The following SFI1 variants were observed in gnomAD, a reference collection of about 807,000 sequenced individuals.
The protein encoded by SFI1 is SFI1 centrin binding protein, also known as protein SFI1 homolog.
SFI1 carries 195 observed loss-of-function variants against 207.5 expected under a neutral mutation model. That is an observed-to-expected ratio of 0.94 (90% CI 0.84 to 1.06). SFI1 has a LOEUF of 1.06. Ranked by LOEUF, SFI1 falls within the 50% of genes least tolerant of loss-of-function variation. The pLI is 0.00. For missense variants in SFI1, 1,634 were observed against 1,588.0 expected (o/e 1.03, Z -0.49); for synonymous variants, 630 against 598.9 (o/e 1.05, Z -0.76).
At chr22:31,598,716 C>CGTTTTTTTTTTT (rs2067572351) in intron 15 of SFI1, among the ~76,000 whole-genome samples, 1 of 26,882 alleles carries the variant, frequency 3.7e-5, no homozygotes, top group Admixed American at 7.8e-4. Flanking sequence ...TGCGCCTGGC[C>CGTTTTTTTTTTT]TTTTTTTTTT....
intron 14 of SFI1, 41 bp from the exon 15 acceptor site, chr22:31,589,406 A>T (rs754916554): frequency 2.5e-5 from 38 of 1,492,014 alleles, no homozygotes; most frequent in African/African-American, 4.3e-5. Flanking sequence ...GTTTAAAAAA[A>T]AAAAAGTTAA....
At chr22:31,527,460 T>G (rs1306740691) in intron 2 of SFI1, among the ~76,000 whole-genome samples, 4 of 152,210 alleles carry the variant, frequency 2.6e-5, no homozygotes, top group Admixed American at 6.5e-5. Flanking sequence ...AGAGACTGAT[T>G]GTGGTAGCTC....
Position 31,604,301 on chromosome 22 carries a change from G to C in SFI1, c.1882-8G>C. On this transcript the variant is annotated splice_region_variant and splice_polypyrimidine_tract_variant and intron_variant, in intron 18 of 32. Coordinates refer to ENST00000400288, the MANE Select transcript of SFI1 (RefSeq NM_001007467.3). ...GCCCACGGTAGCTGCTTTCTCCTCTGTCTGCAGTGCCTGGCCCTGCGGGGA... is the reference window on the plus strand; with the variant it reads ...GCCCACGGTAGCTGCTTTCTCCTCTCTCTGCAGTGCCTGGCCCTGCGGGGA... 5 of 1,565,974 alleles carry C rather than the reference G, an allele frequency of 3.2e-6. No individual in the cohort carries two copies. Among genetic ancestry groups the C allele is most frequent in the South Asian group, 2.3e-5 (2 of 85,370 alleles).
At chr22:31,556,208 G>A (rs954432434) in intron 6 of SFI1, among the ~76,000 whole-genome samples, 1 of 150,846 alleles carries the variant, frequency 6.6e-6, no homozygotes, top group Admixed American at 6.6e-5. Context: ...CTATACAATT[G>A]AAATTTTTTT....
Position 31,512,624 on chromosome 22 carries a change from TCTC to T in SFI1, c.92+4251_92+4253del, listed in dbSNP as rs569956102. Among the ~76,000 whole-genome samples, 8 of 151,678 alleles carry T rather than the reference TCTC, an allele frequency of 5.3e-5. No individual in the cohort carries two copies. The East Asian group carries it at 1.6e-3, about 30-fold the overall frequency. On this transcript the variant is annotated intron_variant, in intron 2 of 32. Transcript: ENST00000400288. ...CCTCCACCTCAGGGGTTCAAACAAT[TCTC>T]CTGCCTCAGCCTCCCAAGTAGCTGG...
chr22:31,498,901 C>T (rs937779141), intron 1 of SFI1, among the ~76,000 whole-genome samples: 8 of 150,556 alleles, frequency 5.3e-5, no homozygotes, highest in Non-Finnish European at 1.0e-4. Flanking sequence ...TCTTATTGCC[C>T]AGGCTGGAGT....
At chr22:31,553,368 T>G (rs1202590289) in intron 6 of SFI1, among the ~76,000 whole-genome samples, 1 of 151,406 alleles carries the variant, frequency 6.6e-6, no homozygotes, top group African/African-American at 2.4e-5. Flanking sequence ...GTTGGTTTGG[T>G]TTTTTTTGAC....
intron 12 of SFI1, 57 bp from the exon 13 acceptor site, chr22:31,583,818 T>G: frequency 3.4e-6 from 5 of 1,474,236 alleles, no homozygotes; most frequent in Non-Finnish European, 4.7e-6. Context: ...GGAGTAAGGA[T>G]TCACTGTTTT....
At chr22:31,505,745 A>G (rs2146531282) in intron 1 of SFI1, among the ~76,000 whole-genome samples, 1 of 151,648 alleles carries the variant, frequency 6.6e-6, no homozygotes, top group East Asian at 2.0e-4. Flanking sequence ...TAAGCTGAGC[A>G]TGGTGGCACA....
chr22:31,582,307 A>C (rs531672288), intron 12 of SFI1, among the ~76,000 whole-genome samples: 1 of 125,334 alleles, frequency 8.0e-6, no homozygotes, highest in East Asian at 2.6e-4. Flanking sequence ...GAGTGCAGTA[A>C]GTAGCTTGAT....
intron 22 of SFI1, among the ~76,000 whole-genome samples, chr22:31,609,083 C>T (rs1264618708): frequency 6.6e-6 from 1 of 151,946 alleles, no homozygotes; most frequent in Non-Finnish European, 1.5e-5. Context: ...CTGCAACCTC[C>T]ACCTCTTGGG....
intron 11 of SFI1, 72 bp downstream of exon 11, chr22:31,578,524 A>AC (rs2063760590): frequency 4.4e-6 from 6 of 1,373,860 alleles, no homozygotes; most frequent in Non-Finnish European, 5.0e-6. Flanking sequence ...GGGGACCCTG[A>AC]CCCCTATCAC....
At chr22:31,516,587 C>T (rs576546090) in intron 2 of SFI1, among the ~76,000 whole-genome samples, 5 of 151,560 alleles carry the variant, frequency 3.3e-5, no homozygotes, top group South Asian at 4.2e-4. Flanking sequence ...GGAAGGCCAA[C>T]GCAGGCAGAT....
chr22:31,561,030 G>T (rs2061654248), intron 7 of SFI1, among the ~76,000 whole-genome samples: 1 of 152,146 alleles, frequency 6.6e-6, no homozygotes, highest in Non-Finnish European at 1.5e-5. Context: ...AAATCAAACT[G>T]TGTAGGTCAA....
At chr22:31,604,444 C>A (rs1235863469) in intron 19 of SFI1, 40 bp downstream of exon 19, 1 of 1,439,746 alleles carries the variant, frequency 6.9e-7, no homozygotes, top group Non-Finnish European at 9.2e-7. Flanking sequence ...GCTGTGGGGA[C>A]AGGGGAGGTT....
At position 31,613,465 on chromosome 22, in the gene SFI1, C is replaced by T. The variant is rs2070757521; in HGVS notation, c.2677C>T (p.Leu893Phe). Reference sequence around the variant, plus strand: ...GCTCCTCCAGGAGGGTGCCACGCGGCTCCTGCGCTTTGCAGCCAGCATGAA... The same window carrying T: ...GCTCCTCCAGGAGGGTGCCACGCGGTTCCTGCGCTTTGCAGCCAGCATGAA... Reference protein sequence around the residue: ...GQLLQEGATRLLRFAASMKAS... With the variant: ...GQLLQEGATRFLRFAASMKAS... The change falls in exon 26 of 33, where the codon CTC becomes TTC. Residue 893 changes from leucine (L) to phenylalanine (F), a missense_variant. Coordinates refer to ENST00000400288, the MANE Select transcript of SFI1 (RefSeq NM_001007467.3). 1.9e-6 allele frequency: 3 copies of T among 1,603,672 alleles called. No homozygotes were observed. In the East Asian group the frequency reaches 6.7e-5, roughly 36 times the overall value.
Position 31,614,678 on chromosome 22 carries a change from C to T in SFI1, c.2997-111C>T, listed in dbSNP as rs151214846. 1.6e-4 allele frequency: 212 copies of T among 1,295,510 alleles called. No homozygotes were observed. The African/African-American group carries it at 2.5e-3, about 15-fold the overall frequency. The allele number at this position is 1,295,510 out of a possible 1,614,324, so 80.3% of individuals were successfully genotyped here. A position where few individuals can be genotyped will look rare whatever the true frequency, so the allele number is the denominator to read the frequency against. ...CCAGCTTACTTGCTGACCTTGGCCT[C>T]GCCTTTCCTGACTTTCAGTCTCCCT... On this transcript the variant is annotated intron_variant, in intron 27 of 32. Coordinates refer to ENST00000400288, the MANE Select transcript of SFI1 (RefSeq NM_001007467.3).
Position 31,613,231 on chromosome 22 carries a change from G to GCATCCTACCATCCCTGCCTCTC in SFI1, c.2565+17_2565+38dup. On this transcript the variant is annotated intron_variant, in intron 25 of 32. Coordinates refer to ENST00000400288, the MANE Select transcript of SFI1 (RefSeq NM_001007467.3). ...TGCAGGCAAAGGTAATTGGGGCTCTGCATCCTACCATCCCTGCCTCTCCCT... is the reference window on the plus strand; with the variant it reads ...TGCAGGCAAAGGTAATTGGGGCTCTGCATCCTACCATCCCTGCCTCTCCATCCTACCATCCCTGCCTCTCCCT... The GCATCCTACCATCCCTGCCTCTC allele has an allele frequency of 1.2e-6, 2 of 1,613,396 alleles. No homozygotes were observed. Among genetic ancestry groups the GCATCCTACCATCCCTGCCTCTC allele is most frequent in the Non-Finnish European group, 1.7e-6 (2 of 1,179,942 alleles).
intron 15 of SFI1, among the ~76,000 whole-genome samples, chr22:31,596,475 G>A (rs2067130250): frequency 6.6e-6 from 1 of 151,968 alleles, no homozygotes; most frequent in Non-Finnish European, 1.5e-5. Context: ...CATGTATTGT[G>A]GGCTGGTATA....
Sources: allele counts gnomAD v4.1 joint callset (sites outside exome capture counted in the v4.1 genomes callset), GRCh38; gene constraint gnomAD v4.1.1; transcripts MANE v1.5; gene names NCBI Gene and HGNC (gene_info 2026-07-23, HGNC 2026-07-21).